Variants in SMAD6 observed in about 807,000 individuals in gnomAD.
SMAD6 encodes the protein SMAD family member 6, also known as MAD homolog 6.
A neutral mutation model predicts 39.4 loss-of-function variants in SMAD6; 103 were observed. The observed-to-expected ratio is 2.62, with a 90% CI of 2.23 to 3.08. SMAD6 has a LOEUF of 3.08. Ranked by LOEUF, SMAD6 falls within the 30% of genes most tolerant of loss-of-function variation. The probability of loss-of-function intolerance (pLI) is 0.00; values close to 1 mark genes in which losing one functional copy is unlikely to be tolerated. For synonymous variants in SMAD6, 445 were observed against 353.3 expected, an observed-to-expected ratio of 1.26 and a Z score of -2.91; for missense variants, 1,104 against 742.9, an observed-to-expected ratio of 1.49 and a Z score of -5.65.
intron 3 of SMAD6, among the ~76,000 whole-genome samples, chr15:66,774,287 G>T (rs1367124633): frequency 1.3e-5 from 2 of 152,236 alleles, no homozygotes; most frequent in African/African-American, 4.8e-5. Flanking sequence ...ATTCGAAGAA[G>T]CGAAAAGGCT....
chr15:66,742,455 G>A (rs1043081762), intron 3 of SMAD6, among the ~76,000 whole-genome samples: 2 of 152,058 alleles, frequency 1.3e-5, no homozygotes, highest in Admixed American at 6.5e-5. Context: ...TTCCCAGTGC[G>A]CCTGCCCTGG....
intron 2 of SMAD6, among the ~76,000 whole-genome samples, chr15:66,714,727 A>T (rs1893294776): frequency 6.6e-6 from 1 of 152,156 alleles, no homozygotes; most frequent in Non-Finnish European, 1.5e-5. Flanking sequence ...ATTCTTTTGC[A>T]CAGCAGCCAT....
intron 3 of SMAD6, among the ~76,000 whole-genome samples, chr15:66,745,490 C>G (rs1483249773): frequency 6.6e-6 from 1 of 152,206 alleles, no homozygotes; most frequent in Non-Finnish European, 1.5e-5. Context: ...TTTCCCTAAA[C>G]TCCCCTTCCC....
chr15:66,703,297 T>C lies in SMAD6; in HGVS notation c.39T>C (p.Leu13=). 6.7e-7 allele frequency: 1 copy of C among 1,491,574 alleles called. No homozygotes were observed. Among genetic ancestry groups the C allele is most frequent in the Non-Finnish European group, 8.9e-7 (1 of 1,120,092 alleles). 92.4% of individuals were successfully genotyped at this position (1,491,574 alleles called of 1,614,324 possible). A position where few individuals can be genotyped will look rare whatever the true frequency, so the allele number is the denominator to read the frequency against. The change falls in exon 1 of 4, where the codon CTT becomes CTC. Residue 13 remains leucine, a synonymous_variant. Coordinates refer to ENST00000288840, the MANE Select transcript of SMAD6 (RefSeq NM_005585.5). ...AACGCTCGGGGCTGGTGCGGCGACTTTGGCGAAGTCGTGTGGTCCCCGACC... is the reference window on the plus strand; with the variant it reads ...AACGCTCGGGGCTGGTGCGGCGACTCTGGCGAAGTCGTGTGGTCCCCGACC... The part of the protein sequence containing the change: ...RSKRSGLVRR[L]WRSRVVPDRE...
chr15:66,703,684 C>T lies in SMAD6; in HGVS notation c.426C>T (p.Ser142=), dbSNP rs1468532090. The T allele has an allele frequency of 2.4e-6, 3 of 1,237,294 alleles. No homozygotes were observed. The highest frequency in any genetic ancestry group is 2.0e-6 in the Non-Finnish European group (2 of 989,454). The allele number at this position is 1,237,294 out of a possible 1,614,324, so 76.6% of individuals were successfully genotyped here. Reference sequence around the variant, plus strand: ...CCGCCGGCGCGCCCCGGGACGCCAGCGACCCCCTGGCCGGGGCGGCCCTGG... The same window carrying T: ...CCGCCGGCGCGCCCCGGGACGCCAGTGACCCCCTGGCCGGGGCGGCCCTGG... ...RDAAGAPRDA[S]DPLAGAALEP... Residue 142 remains serine, a synonymous_variant, in exon 1 of 4, where the codon AGC becomes AGT. Transcript: ENST00000288840.
chr15:66,750,471 G>A lies in SMAD6; in HGVS notation c.953-30526G>A, dbSNP rs1305479999. ...TCCTCTGAGCCCAGCCCTGTACCTG[G>A]TGTGGGGTACAAAGCAGACCCAAGC... On this transcript the variant is annotated intron_variant, in intron 3 of 3. Coordinates refer to ENST00000288840, the MANE Select transcript of SMAD6 (RefSeq NM_005585.5). 4.6e-5 allele frequency among the ~76,000 whole-genome samples: 7 copies of A among 152,178 alleles called. No individual in the cohort carries two copies. In the East Asian group the frequency reaches 1.3e-3, roughly 29 times the overall value.
intron 3 of SMAD6, among the ~76,000 whole-genome samples, chr15:66,721,880 C>T (rs867995242): frequency 1.3e-5 from 2 of 152,084 alleles, no homozygotes; most frequent in African/African-American, 4.8e-5. Flanking sequence ...CAACTCTTGG[C>T]GTGGTAGGGA....
intron 3 of SMAD6, among the ~76,000 whole-genome samples, chr15:66,756,042 A>C (rs1054507899): frequency 6.6e-6 from 1 of 151,660 alleles, no homozygotes. Flanking sequence ...AAAAAAAAAA[A>C]AACTAATTAG....
Position 66,781,559 on chromosome 15 carries a change from G to T in SMAD6, c.*24G>T. On this transcript the variant is annotated 3_prime_UTR_variant, in exon 4 of 4. Transcript: ENST00000288840. ...AGTGGCGGCCCCGGCGGGAGGGGCGGGTGGGAGGCCGCGGCCACCGCCACC... is the reference window on the plus strand; with the variant it reads ...AGTGGCGGCCCCGGCGGGAGGGGCGTGTGGGAGGCCGCGGCCACCGCCACC... 1.4e-6 allele frequency: 2 copies of T among 1,474,132 alleles called. No individual in the cohort carries two copies. The highest frequency in any genetic ancestry group is 1.8e-6 in the Non-Finnish European group (2 of 1,118,604). The allele number at this position is 1,474,132 out of a possible 1,614,324, so 91.3% of individuals were successfully genotyped here.
At chr15:66,744,936 C>G (rs547336873) in intron 3 of SMAD6, among the ~76,000 whole-genome samples, 9 of 152,280 alleles carry the variant, frequency 5.9e-5, no homozygotes, top group African/African-American at 2.2e-4. Flanking sequence ...GGGCTCCTTT[C>G]TGGTTCTTGC....
intron 3 of SMAD6, among the ~76,000 whole-genome samples, chr15:66,763,160 G>A (rs576636139): frequency 6.6e-6 from 1 of 152,272 alleles, no homozygotes; most frequent in South Asian, 2.1e-4. Flanking sequence ...CTAGGAGATG[G>A]AAGGTGGAGG....
At chr15:66,773,878 C>A (rs574715562) in intron 3 of SMAD6, among the ~76,000 whole-genome samples, 7 of 152,184 alleles carry the variant, frequency 4.6e-5, no homozygotes, top group Non-Finnish European at 7.3e-5. Flanking sequence ...CTGGGCCTGT[C>A]TGCCCTTGTT....
chr15:66,749,486 C>G lies in SMAD6; in HGVS notation c.953-31511C>G, dbSNP rs184653953. On this transcript the variant is annotated intron_variant, in intron 3 of 3. Coordinates refer to ENST00000288840, the MANE Select transcript of SMAD6 (RefSeq NM_005585.5). ...AAGAAACAAACAAACAAAAATTAGG[C>G]AGGCGTCGTGGCATGCACCTACCCA... Among the ~76,000 whole-genome samples the G allele has an allele frequency of 9.0e-4, 137 of 152,168 alleles. 4 individuals are homozygous for G. In the South Asian group the frequency reaches 0.027, roughly 30 times the overall value.
At chr15:66,719,323 G>A (rs1893389038) in intron 3 of SMAD6, among the ~76,000 whole-genome samples, 1 of 152,238 alleles carries the variant, frequency 6.6e-6, no homozygotes, top group South Asian at 2.1e-4. Flanking sequence ...AGCCTGGTGG[G>A]CACCTGTCCT....
At chr15:66,714,203 A>G (rs994003053) in intron 2 of SMAD6, among the ~76,000 whole-genome samples, 3 of 152,222 alleles carry the variant, frequency 2.0e-5, no homozygotes, top group Non-Finnish European at 2.9e-5. Context: ...AGCAAAAATC[A>G]GGACACTGCC....
Position 66,703,767 on chromosome 15 carries a change from A to T in SMAD6, c.509A>T (p.Gln170Leu). The change falls in exon 1 of 4, where the codon CAG becomes CTG. Residue 170 changes from glutamine to leucine, a missense_variant. By Grantham distance (113) the Gln-to-Leu change is moderately radical. Coordinates refer to ENST00000288840, the MANE Select transcript of SMAD6 (RefSeq NM_005585.5). ...CGCTCGCGGCTGCTGCTGCTGGAGC[A>T]GGAACTCAAAACCGTCACGTACTCG... ...EARSRLLLLE[Q>L]ELKTVTYSLL... The T allele has an allele frequency of 7.0e-7, 1 of 1,421,400 alleles. No homozygotes were observed. Among genetic ancestry groups the T allele is most frequent in the Non-Finnish European group, 9.3e-7 (1 of 1,075,902 alleles). 88.0% of individuals were successfully genotyped at this position (1,421,400 alleles called of 1,614,324 possible).
At chr15:66,744,925 G>A (rs901615627) in intron 3 of SMAD6, among the ~76,000 whole-genome samples, 10 of 152,136 alleles carry the variant, frequency 6.6e-5, no homozygotes, top group African/African-American at 2.4e-4. Flanking sequence ...TTTGTTCTTG[G>A]GGGCTCCTTT....
Position 66,704,006 on chromosome 15 carries a change from T to C in SMAD6, c.748T>C (p.Phe250Leu). Residue 250 changes from phenylalanine to leucine, a missense_variant, in exon 1 of 4, where the codon TTC becomes CTC. By Grantham distance (22) the Phe-to-Leu change is conservative. Coordinates refer to ENST00000288840, the MANE Select transcript of SMAD6 (RefSeq NM_005585.5). ...GAAGCCCCTGTGCGGCTGCCACAGC[T>C]TCGCCGCCGCCGCCGACGGCCCTAC... is the stretch of plus-strand genomic sequence containing the variant. ...ELKPLCGCHS[F>L]AAAADGPTVC... is the part of the protein sequence containing the mutation. 6.7e-7 allele frequency: 1 copy of C among 1,495,442 alleles called. No individual in the cohort carries two copies. Among genetic ancestry groups the C allele is most frequent in the Non-Finnish European group, 8.8e-7 (1 of 1,130,966 alleles). The allele number at this position is 1,495,442 out of a possible 1,614,324, so 92.6% of individuals were successfully genotyped here.
intron 3 of SMAD6, among the ~76,000 whole-genome samples, chr15:66,763,836 G>A (rs939518715): frequency 2.0e-5 from 3 of 152,268 alleles, no homozygotes; most frequent in Non-Finnish European, 2.9e-5. Context: ...CGAGTTGGCA[G>A]AGCCCCCTGG....
Sources: gnomAD v4.1 joint callset for allele counts (sites outside exome capture counted in the v4.1 genomes callset) on GRCh38, gnomAD v4.1.1 for gene constraint, MANE v1.5 for transcripts, NCBI Gene and HGNC (gene_info 2026-07-23, HGNC 2026-07-21) for gene names.